MCMBP: variants seen among roughly 807,000 people sequenced by gnomAD.
MCMBP encodes the protein mini-chromosome maintenance complex-binding protein.
In MCMBP, 31 loss-of-function variants were observed where a neutral mutation model predicts 81.3. The ratio of observed to expected loss-of-function variants is 0.38; its 90% CI spans 0.29 to 0.51. The LOEUF (loss-of-function observed/expected upper bound fraction) is 0.51. MCMBP is among the 20% of genes least tolerant of loss of function. The pLI, the probability that MCMBP is intolerant of heterozygous loss-of-function variation, is 0.87. For synonymous variants in MCMBP, 267 were observed against 275.9 expected (o/e 0.97, Z 0.32); for missense variants, 645 against 772.1 (o/e 0.84, Z 1.95).
chr10:119,834,372 C>G (rs1404721489), intron 14 of MCMBP, among the ~76,000 whole-genome samples: 1 of 152,122 alleles, frequency 6.6e-6, no homozygotes, highest in Non-Finnish European at 1.5e-5. Context: ...GGATCCTTAT[C>G]AGAAACTAGT....
At chr10:119,863,427 T>A (rs1853331060) in intron 1 of MCMBP, among the ~76,000 whole-genome samples, 1 of 152,066 alleles carries the variant, frequency 6.6e-6, no homozygotes, top group South Asian at 2.1e-4. Flanking sequence ...TTAGCTTTTG[T>A]ATCTTTATTA....
intron 4 of MCMBP, chr10:119,858,151 C>T (rs1406257150): frequency 6.6e-6 from 1 of 152,116 alleles, no homozygotes; most frequent in African/African-American, 2.4e-5. Flanking sequence ...TTACTGTATA[C>T]CATAAAAAGC....
At chr10:119,848,467 G>A (rs1589786613) in intron 7 of MCMBP, among the ~76,000 whole-genome samples, 1 of 151,982 alleles carries the variant, frequency 6.6e-6, no homozygotes, top group African/African-American at 2.4e-5. Context: ...TAAAGAACGA[G>A]CTGGGTGTGG....
At chr10:119,861,768 T>C (rs901918326) in intron 1 of MCMBP, among the ~76,000 whole-genome samples, 5 of 152,188 alleles carry the variant, frequency 3.3e-5, no homozygotes, top group African/African-American at 1.2e-4. Flanking sequence ...CAGGGTGTTG[T>C]GTTGCTTTGT....
At position 119,872,615 on chromosome 10, in the gene MCMBP, G is replaced by A; in HGVS notation, c.-31C>T. ...CAGGGGCCGGGGCCGGCGAAGACCGGGCGGAGGCGATCCGCGGGCCGAGCG... is the reference window on the plus strand; with the variant it reads ...CAGGGGCCGGGGCCGGCGAAGACCGAGCGGAGGCGATCCGCGGGCCGAGCG... On this transcript the variant is annotated 5_prime_UTR_variant, in exon 1 of 16. Transcript: ENST00000369077. 1 of 1,151,810 alleles carries A rather than the reference G, an allele frequency of 8.7e-7. No individual in the cohort carries two copies. The highest frequency in any genetic ancestry group is 4.3e-5 in the South Asian group (1 of 23,486). 71.3% of individuals were successfully genotyped at this position (1,151,810 alleles called of 1,614,324 possible).
chr10:119,872,421 C>A, intron 1 of MCMBP, 106 bp downstream of exon 1: 1 of 605,412 alleles, frequency 1.7e-6, no homozygotes, highest in Non-Finnish European at 2.2e-6. Flanking sequence ...TCGGGCCACG[C>A]GAGCCCTCGA....
In MCMBP at chr10:119,829,896, T is replaced by C. The variant is rs1217586755; in HGVS notation, c.*1578A>G. 5 of 152,436 alleles carry C rather than the reference T, an allele frequency of 3.3e-5. No homozygotes were observed. Among genetic ancestry groups the C allele is most frequent in the Non-Finnish European group, 5.9e-5 (4 of 68,024 alleles). 9.4% of individuals were successfully genotyped at this position (152,436 alleles called of 1,614,324 possible). On this transcript the variant is annotated 3_prime_UTR_variant, in exon 16 of 16. Coordinates refer to ENST00000369077, the MANE Select transcript of MCMBP (RefSeq NM_001256378.2). ...TTTCTTTGGTAAATTACAATTTACA[T>C]TGGCACAAAAAACACATGGTGACTA...
chr10:119,865,020 A>T (rs1329266444), intron 1 of MCMBP, among the ~76,000 whole-genome samples: 1 of 152,246 alleles, frequency 6.6e-6, no homozygotes, highest in Non-Finnish European at 1.5e-5. Context: ...ACAAATGTCA[A>T]TTAGATCTAC....
Position 119,872,540 on chromosome 10 carries a change from C to T in MCMBP, c.45G>A (p.Val15=). The part of the protein sequence containing the change: ...EDWLSHPLGI[V]QGFFAQNGVN... Reference sequence around the variant, plus strand: ...GCCGCCACTCACCGAAGAATCCCTGCACGATTCCCAGCGGGTGGCTGAGCC... The same window carrying T: ...GCCGCCACTCACCGAAGAATCCCTGTACGATTCCCAGCGGGTGGCTGAGCC... Residue 15 remains valine, a synonymous_variant, in exon 1 of 16, where the codon GTG becomes GTA. Transcript: ENST00000369077. 7.5e-6 allele frequency: 9 copies of T among 1,193,640 alleles called. No individual in the cohort carries two copies. The highest frequency in any genetic ancestry group is 9.4e-6 in the Non-Finnish European group (9 of 956,378). The allele number at this position is 1,193,640 out of a possible 1,614,324, so 73.9% of individuals were successfully genotyped here.
chr10:119,863,087 C>G (rs1853318168), intron 1 of MCMBP, among the ~76,000 whole-genome samples: 1 of 152,094 alleles, frequency 6.6e-6, no homozygotes, highest in Admixed American at 6.5e-5. Flanking sequence ...TATATTCTCC[C>G]AGTGTATAGC....
rs1215665596 is a variant in MCMBP at position 119,830,084 on chromosome 10, A to G, written c.*1390T>C. The G allele has an allele frequency of 6.6e-6, 1 of 152,666 alleles. No individual in the cohort carries two copies. The highest frequency in any genetic ancestry group is 2.1e-4 in the South Asian group (1 of 4,830). 9.5% of individuals were successfully genotyped at this position (152,666 alleles called of 1,614,324 possible). ...TAAACATTATTTACATTTGTTTATA[A>G]AAATAGATTTGAGTTTAGGAAAAGT... On this transcript the variant is annotated 3_prime_UTR_variant, in exon 16 of 16. Coordinates refer to ENST00000369077, the MANE Select transcript of MCMBP (RefSeq NM_001256378.2).
chr10:119,831,705 G>A lies in MCMBP; in HGVS notation c.1797-105C>T, dbSNP rs888043829. ...TTTGTGAAAACACAGAGCACGTTAGGAGACAAGACCGTATGGTAGTTACAC... is the reference window on the plus strand; with the variant it reads ...TTTGTGAAAACACAGAGCACGTTAGAAGACAAGACCGTATGGTAGTTACAC... On this transcript the variant is annotated intron_variant, in intron 15 of 15. Coordinates refer to ENST00000369077, the MANE Select transcript of MCMBP (RefSeq NM_001256378.2). 9 of 1,314,256 alleles carry A rather than the reference G, an allele frequency of 6.8e-6. 1 individual carries two copies. The highest frequency in any genetic ancestry group is 4.4e-4 in the Middle Eastern group (2 of 4,506). The allele number at this position is 1,314,256 out of a possible 1,614,324, so 81.4% of individuals were successfully genotyped here.
intron 5 of MCMBP, among the ~76,000 whole-genome samples, chr10:119,856,536 G>C (rs915038757): frequency 6.6e-6 from 1 of 152,182 alleles, no homozygotes; most frequent in African/African-American, 2.4e-5. Flanking sequence ...TGCTTGCAGG[G>C]GAGGAGGTAG....
chr10:119,831,419 A>ATTT lies in MCMBP; in HGVS notation c.*52_*54dup. On this transcript the variant is annotated 3_prime_UTR_variant, in exon 16 of 16. Coordinates refer to ENST00000369077, the MANE Select transcript of MCMBP (RefSeq NM_001256378.2). ...CAATGTGGTATAAATGAATATCTGA[A>ATTT]TTTTACAATTATGTGGCTACAGTTT... 1 of 1,599,270 alleles carries ATTT rather than the reference A, an allele frequency of 6.3e-7. No individual in the cohort carries two copies. Among genetic ancestry groups the ATTT allele is most frequent in the East Asian group, 2.2e-5 (1 of 44,710 alleles).
intron 5 of MCMBP, among the ~76,000 whole-genome samples, chr10:119,854,636 G>A (rs556028737): frequency 4.6e-5 from 7 of 151,644 alleles, no homozygotes; most frequent in Admixed American, 1.3e-4. Flanking sequence ...GACAGAATTC[G>A]TCACCAACAG....
chr10:119,838,173 A>T (rs1227469155), intron 12 of MCMBP, among the ~76,000 whole-genome samples: 1 of 150,844 alleles, frequency 6.6e-6, no homozygotes, highest in Non-Finnish European at 1.5e-5. Context: ...CCTTTATATT[A>T]CTGCTCCATT....
rs1321023317 is a variant in MCMBP at position 119,849,520 on chromosome 10, A to T, written c.631T>A (p.Ser211Thr). The change falls in exon 7 of 16, where the codon TCT becomes ACT. Residue 211 changes from serine to threonine, a missense_variant. Coordinates refer to ENST00000369077, the MANE Select transcript of MCMBP (RefSeq NM_001256378.2). ...GEPKRLETEA[S>T]TGQQLNSLNL... ...AGAGAGTTCAGCTGTTGCCCAGTAG[A>T]AGCTTCAGTTTCTAAACGTTTTGGC... 6.2e-7 allele frequency: 1 copy of T among 1,608,398 alleles called. No individual in the cohort carries two copies. The highest frequency in any genetic ancestry group is 8.5e-7 in the Non-Finnish European group (1 of 1,178,540).
intron 11 of MCMBP, among the ~76,000 whole-genome samples, chr10:119,840,385 T>C (rs1462807358): frequency 2.6e-5 from 4 of 152,206 alleles, no homozygotes; most frequent in Non-Finnish European, 5.9e-5. Context: ...CCCAAGATCC[T>C]ACCACCACGC....
At chr10:119,856,791 A>G (rs556229483) in intron 5 of MCMBP, among the ~76,000 whole-genome samples, 3 of 152,132 alleles carry the variant, frequency 2.0e-5, no homozygotes, top group African/African-American at 7.2e-5. Context: ...ATTTGAAACT[A>G]TTTTTTTACT....
Sources: gnomAD v4.1 joint callset for allele counts (sites outside exome capture counted in the v4.1 genomes callset) on GRCh38, gnomAD v4.1.1 for gene constraint, MANE v1.5 for transcripts, NCBI Gene and HGNC (gene_info 2026-07-23, HGNC 2026-07-21) for gene names.